PEAK1: variants seen among roughly 807,000 people sequenced by gnomAD.
The protein encoded by PEAK1 is inactive tyrosine-protein kinase PEAK1.
Under a neutral mutation model 124.7 loss-of-function variants are expected in PEAK1, and 54 were observed. That is an observed-to-expected ratio of 0.43 (90% CI 0.35 to 0.54). The LOEUF is 0.54. PEAK1 is among the 20% of genes least tolerant of loss of function. The probability of loss-of-function intolerance (pLI) is 0.01; values close to 1 mark genes in which losing one functional copy is unlikely to be tolerated. For synonymous variants in PEAK1, 719 were observed against 760.0 expected (o/e 0.95, Z 0.89); for missense variants, 2,046 against 2,134.5 (o/e 0.96, Z 0.82).
At chr15:77,259,478 C>T (rs1382307412) in intron 5 of PEAK1, among the ~76,000 whole-genome samples, 1 of 152,010 alleles carries the variant, frequency 6.6e-6, no homozygotes, top group Non-Finnish European at 1.5e-5. Context: ...TAATAGTTCC[C>T]ATAGCAGACA....
At chr15:77,319,027 A>G (rs1379481863) in intron 2 of PEAK1, among the ~76,000 whole-genome samples, 3 of 152,320 alleles carry the variant, frequency 2.0e-5, no homozygotes, top group South Asian at 4.1e-4. Flanking sequence ...ACTAGAACCA[A>G]GAAGACAACC....
rs2057965980 is a variant in PEAK1, at chr15:77,193,765, C to T, written c.-114-11725G>A. On this transcript the variant is annotated intron_variant, in intron 6 of 9. Coordinates refer to ENST00000682557, the MANE Select transcript of PEAK1 (RefSeq NM_001385026.1). The stretch of plus-strand genomic sequence containing the variant: ...GTTGCACTGAGCAGAGATTGCACCA[C>T]TGCACTCCAGCCTGGGTGACAGAGT... Among the ~76,000 whole-genome samples, 4 of 152,142 alleles carry T rather than the reference C, an allele frequency of 2.6e-5. No homozygotes were observed. In the South Asian group the frequency reaches 6.2e-4, roughly 24 times the overall value.
At chr15:77,410,818 G>A (rs1377342024) in intron 1 of PEAK1, among the ~76,000 whole-genome samples, 3 of 152,080 alleles carry the variant, frequency 2.0e-5, no homozygotes, top group African/African-American at 7.2e-5. Context: ...AAATAAGAAT[G>A]GAATCCTGCA....
chr15:77,224,829 T>C (rs1328035104), intron 6 of PEAK1, among the ~76,000 whole-genome samples: 2 of 151,974 alleles, frequency 1.3e-5, no homozygotes, highest in African/African-American at 4.8e-5. Context: ...ATCCAATCTA[T>C]CATGAAATCT....
intron 5 of PEAK1, among the ~76,000 whole-genome samples, chr15:77,276,371 G>A (rs2062327562): frequency 1.3e-5 from 2 of 152,142 alleles, no homozygotes; most frequent in South Asian, 2.1e-4. Context: ...CCCTAGAGGG[G>A]AAAAACAGTT....
intron 6 of PEAK1, among the ~76,000 whole-genome samples, chr15:77,226,032 T>A (rs2059628358): frequency 2.0e-5 from 1 of 50,432 alleles, no homozygotes; most frequent in African/African-American, 6.2e-5. Flanking sequence ...TCACAGCAAC[T>A]GAAAATAAAG....
intron 6 of PEAK1, among the ~76,000 whole-genome samples, chr15:77,246,013 C>CTTTT (rs555544274): frequency 7.1e-6 from 1 of 141,250 alleles, no homozygotes; most frequent in African/African-American, 2.6e-5. Context: ...ACCTGCTAGA[C>CTTTT]TTTTTTTTTT....
intron 7 of PEAK1, chr15:77,177,761 C>G (rs79090403): frequency 6.6e-6 from 1 of 151,916 alleles, no homozygotes; most frequent in African/African-American, 2.4e-5. Flanking sequence ...GATAAAAGTT[C>G]CTTGTTTTTA....
intron 2 of PEAK1, among the ~76,000 whole-genome samples, chr15:77,343,108 G>C (rs896147141): frequency 6.6e-6 from 1 of 152,104 alleles, no homozygotes; most frequent in Admixed American, 6.5e-5. Flanking sequence ...CAATTTATCC[G>C]TGTCCTTGCC....
chr15:77,178,645 G>A (rs1433198090), intron 7 of PEAK1, 145 bp downstream of exon 7: 5 of 779,492 alleles, frequency 6.4e-6, no homozygotes, highest in Non-Finnish European at 1.0e-5. Context: ...TCTAATCTTG[G>A]AATGCAGTTA....
chr15:77,127,089 G>C (rs1213986039), intron 9 of PEAK1, among the ~76,000 whole-genome samples: 1 of 152,148 alleles, frequency 6.6e-6, no homozygotes, highest in African/African-American at 2.4e-5. Flanking sequence ...GACAGGATTA[G>C]TGTCCTTCTA....
Position 77,133,509 on chromosome 15 carries a change from G to C in PEAK1, c.3573C>G (p.Asp1191Glu). 6.2e-7 allele frequency: 1 copy of C among 1,614,208 alleles called. No homozygotes were observed. The highest frequency in any genetic ancestry group is 1.1e-5 in the South Asian group (1 of 91,086). The change falls in exon 9 of 10, where the codon GAC becomes GAG. Residue 1191 changes from aspartate to glutamate, a missense_variant. Physicochemically the swap from Asp to Glu is conservative, Grantham distance 45 (BLOSUM62 2). Coordinates refer to ENST00000682557, the MANE Select transcript of PEAK1 (RefSeq NM_001385026.1). This position sits in a 1 kb window ranked among gnomAD's most constrained non-coding sequence, Gnocchi z 4.2. The stretch of plus-strand genomic sequence containing the variant: ...CAGCACTGCTGGCATCCCAGTTGGG[G>C]TCGATATCATAGGTGGGATTAGCCA... ...CVMANPTYDI[D>E]PNWDASSAGS...
intron 6 of PEAK1, among the ~76,000 whole-genome samples, chr15:77,238,547 C>T (rs572803489): frequency 6.6e-6 from 1 of 152,238 alleles, no homozygotes; most frequent in Admixed American, 6.5e-5. Flanking sequence ...TTGGTACTCT[C>T]CTTCATGATA....
chr15:77,352,209 CA>C (rs2067250942), intron 2 of PEAK1: 4 of 985,316 alleles, frequency 4.1e-6, no homozygotes, highest in Non-Finnish European at 4.8e-6. Context: ...AACCCTGTCT[CA>C]AAAAATTATT....
intron 6 of PEAK1, among the ~76,000 whole-genome samples, chr15:77,232,998 C>T (rs537706398): frequency 4.6e-4 from 70 of 152,260 alleles, no homozygotes; most frequent in Non-Finnish European, 8.4e-4. Flanking sequence ...CCACCTGCCT[C>T]GGCCTCCCAA....
chr15:77,298,197 A>ATTTTTTTTTCTTTTTTTTTTTTTT (rs2063601614), intron 2 of PEAK1, among the ~76,000 whole-genome samples: 1 of 37,804 alleles, frequency 2.6e-5, no homozygotes, highest in Non-Finnish European at 4.2e-5. Flanking sequence ...GGTATCCTTA[A>ATTTTTTTTTCTTTTTTTTTTTTTT]TTTTTTTTTT....
intron 2 of PEAK1, among the ~76,000 whole-genome samples, chr15:77,318,348 G>A (rs2065001139): frequency 6.6e-6 from 1 of 152,122 alleles, no homozygotes; most frequent in Non-Finnish European, 1.5e-5. Flanking sequence ...AACTTCCTGT[G>A]AATATTTAAC....
intron 2 of PEAK1, among the ~76,000 whole-genome samples, chr15:77,314,368 A>G (rs2064738790): frequency 6.6e-6 from 1 of 151,880 alleles, no homozygotes; most frequent in Admixed American, 6.6e-5. Context: ...ACCCATTACA[A>G]TGAATTTTCT....
chr15:77,326,723 T>C (rs1021412931), intron 2 of PEAK1, among the ~76,000 whole-genome samples: 1 of 152,134 alleles, frequency 6.6e-6, no homozygotes, highest in African/African-American at 2.4e-5. Context: ...TTGTCTCTCA[T>C]TTTCCACCAA....
Sources: gnomAD v4.1 joint callset for allele counts (sites outside exome capture counted in the v4.1 genomes callset) on GRCh38, gnomAD v4.1.1 for gene constraint, Gnocchi (gnomAD v3.1) non-coding constraint, MANE v1.5 for transcripts, NCBI Gene and HGNC (gene_info 2026-07-23, HGNC 2026-07-21) for gene names.